Variants in ZNF558 observed in about 807,000 individuals in gnomAD.
ZNF558 encodes the protein zinc finger protein 558.
Under a neutral mutation model 37.6 loss-of-function variants are expected in ZNF558, and 23 were observed. The ratio of observed to expected loss-of-function variants is 0.61; its 90% CI spans 0.44 to 0.87. ZNF558 has a LOEUF of 0.87. Among genes scored for constraint, ZNF558 ranks in the 40% least tolerant of loss-of-function variants. The pLI, the probability that ZNF558 is intolerant of heterozygous loss-of-function variation, is 0.00. For synonymous variants in ZNF558, 189 were observed against 174.4 expected (o/e 1.08, Z -0.66); for missense variants, 429 against 483.7 (o/e 0.89, Z 1.06).
At chr19:8,831,533 G>A (rs963550853) in intron 1 of ZNF558, 132 bp from the exon 2 acceptor site, 5 of 152,188 alleles carry the variant, frequency 3.3e-5, no homozygotes, top group African/African-American at 1.2e-4. Context: ...GTGTAATAAG[G>A]GCCCAGCCTG....
At chr19:8,820,440 T>C (rs2044055035) in intron 7 of ZNF558, among the ~76,000 whole-genome samples, 1 of 152,210 alleles carries the variant, frequency 6.6e-6, no homozygotes, top group Non-Finnish European at 1.5e-5. Context: ...CATTCAGTCA[T>C]AAGGAATGAA....
upstream of ZNF558, chr19:8,832,936 T>C (rs1330018415): frequency 6.7e-6 from 1 of 150,172 alleles, no homozygotes; most frequent in Non-Finnish European, 1.5e-5. Flanking sequence ...GCAGTGGTGA[T>C]TGGCAGAGAG....
At chr19:8,827,768 T>A (rs989011821) in intron 2 of ZNF558, among the ~76,000 whole-genome samples, 8 of 151,998 alleles carry the variant, frequency 5.3e-5, no homozygotes, top group African/African-American at 9.7e-5. Context: ...GAGACGGGGT[T>A]TCACCATGTT....
intron 7 of ZNF558, among the ~76,000 whole-genome samples, chr19:8,815,372 T>C (rs1470652031): frequency 6.6e-6 from 1 of 151,652 alleles, no homozygotes; most frequent in Non-Finnish European, 1.5e-5. Context: ...ATAAAAAAAT[T>C]TGAGTTGAAA....
chr19:8,836,362 T>C (rs1205792151), upstream of ZNF558, among the ~76,000 whole-genome samples: 5 of 151,746 alleles, frequency 3.3e-5, no homozygotes, highest in African/African-American at 1.2e-4. Flanking sequence ...TCCTCCTCCT[T>C]TCTTCCTTCT....
chr19:8,826,242 G>A (rs1183272655), intron 2 of ZNF558, among the ~76,000 whole-genome samples: 4 of 152,120 alleles, frequency 2.6e-5, no homozygotes, highest in East Asian at 1.9e-4. Context: ...CATGGAGCAC[G>A]GGGCGGCAGT....
chr19:8,836,421 TC>T (rs1361794618), upstream of ZNF558, among the ~76,000 whole-genome samples: 1 of 151,546 alleles, frequency 6.6e-6, no homozygotes, highest in African/African-American at 2.4e-5. Context: ...CCTTCTTCTT[TC>T]TTCTTTCCTC....
At chr19:8,823,044 G>A in intron 4 of ZNF558, among the ~76,000 whole-genome samples, 1 of 151,838 alleles carries the variant, frequency 6.6e-6, no homozygotes, top group East Asian at 1.9e-4. Flanking sequence ...CTTCCCCGGG[G>A]ACTCCGGCGC....
Position 8,810,005 on chromosome 19 carries a change from A to G in ZNF558, c.*1276T>C, listed in dbSNP as rs1555767167. On this transcript the variant is annotated 3_prime_UTR_variant, in exon 10 of 10. Transcript: ENST00000601372. ...AAGAATCACTGAAAAATTTTCCAAT[A>G]TTAATATACTCATAGGTTTTGCATC... 1.3e-5 allele frequency: 2 copies of G among 152,194 alleles called. No homozygotes were observed. The highest frequency in any genetic ancestry group is 4.8e-5 in the African/African-American group (2 of 41,444). The allele number at this position is 152,194 out of a possible 1,614,324, so 9.4% of individuals were successfully genotyped here.
intron 7 of ZNF558, among the ~76,000 whole-genome samples, chr19:8,819,131 C>G (rs1042631229): frequency 6.6e-6 from 1 of 152,136 alleles, no homozygotes; most frequent in Non-Finnish European, 1.5e-5. Flanking sequence ...AGGTATCACA[C>G]CAAGAGCACA....
At chr19:8,813,908 T>C (rs1275159482) in intron 7 of ZNF558, among the ~76,000 whole-genome samples, 1 of 152,120 alleles carries the variant, frequency 6.6e-6, no homozygotes, top group African/African-American at 2.4e-5. Flanking sequence ...GACCATATGG[T>C]CCCATTCATC....
chr19:8,821,365 A>T (rs1221575501), intron 6 of ZNF558, 59 bp from the exon 7 acceptor site: 1 of 1,613,920 alleles, frequency 6.2e-7, no homozygotes, highest in African/African-American at 1.3e-5. Flanking sequence ...CGTGCACAGG[A>T]AGAGGGGCCA....
chr19:8,822,341 G>A lies in ZNF558; in HGVS notation c.32-250C>T, dbSNP rs974422098. Among the ~76,000 whole-genome samples, 1 of 152,172 alleles carries A rather than the reference G, an allele frequency of 6.6e-6. No homozygotes were observed. Among genetic ancestry groups the A allele is most frequent in the Non-Finnish European group, 1.5e-5 (1 of 68,032 alleles). ...AAGGGATTATTCCCACTTCACAGAT[G>A]AGGAAACAAGTTCCAAGGGCGTCAC... On this transcript the variant is annotated intron_variant, in intron 5 of 9. Transcript: ENST00000601372. This position sits in a 1 kb window ranked among gnomAD's most constrained non-coding sequence, Gnocchi z 4.4.
rs368404886 is a variant in ZNF558, at chr19:8,811,729, T to A, written c.761A>T (p.His254Leu). Reference protein sequence around the residue: ...VFRTSCNLKSHKRIHTGENHH... With the variant: ...VFRTSCNLKSLKRIHTGENHH... Reference sequence around the variant, plus strand: ...ATTCTCCCCCGTGTGAATCCTCTTGTGGCTTTTGAGGTTACAACTGGTGCG... The same window carrying A: ...ATTCTCCCCCGTGTGAATCCTCTTGAGGCTTTTGAGGTTACAACTGGTGCG... Residue 254 changes from histidine (H) to leucine (L), a missense_variant, in exon 10 of 10, where the codon CAC (histidine) becomes CTC (leucine). Physicochemically the swap from His to Leu is moderately conservative, Grantham distance 99 (BLOSUM62 -3). Transcript: ENST00000601372. 2 of 1,614,202 alleles carry A rather than the reference T, an allele frequency of 1.2e-6. No homozygotes were observed. The highest frequency in any genetic ancestry group is 1.7e-6 in the Non-Finnish European group (2 of 1,180,038).
At chr19:8,832,116 G>A (rs1298191830) in intron 1 of ZNF558, 93 bp downstream of exon 1, 2 of 152,232 alleles carry the variant, frequency 1.3e-5, no homozygotes, top group African/African-American at 4.8e-5. Context: ...ACCGAAACAC[G>A]GCTCCCTGGA....
At chr19:8,830,879 A>G (rs554419391) in intron 2 of ZNF558, 6 of 152,088 alleles carry the variant, frequency 3.9e-5, no homozygotes, top group Non-Finnish European at 7.4e-5. Context: ...TGGCCAACAG[A>G]GTGAGACTTG....
chr19:8,818,259 C>T (rs2043990968), intron 7 of ZNF558, among the ~76,000 whole-genome samples: 1 of 151,968 alleles, frequency 6.6e-6, no homozygotes, highest in Non-Finnish European at 1.5e-5. Context: ...TGAGACCATC[C>T]CGGCCAACAT....
intron 7 of ZNF558, among the ~76,000 whole-genome samples, chr19:8,817,538 T>C: frequency 5.0e-5 from 1 of 20,178 alleles, no homozygotes; most frequent in African/African-American, 1.2e-4. Flanking sequence ...ATTTTTGACT[T>C]TTTTTTTTTT....
chr19:8,811,219 C>G lies in ZNF558; in HGVS notation c.*62G>C, dbSNP rs2043778474. 2 of 1,489,406 alleles carry G rather than the reference C, an allele frequency of 1.3e-6. No homozygotes were observed. The highest frequency in any genetic ancestry group is 4.6e-5 in the East Asian group (2 of 43,876). 92.3% of individuals were successfully genotyped at this position (1,489,406 alleles called of 1,614,324 possible). A position where few individuals can be genotyped will look rare whatever the true frequency, so the allele number is the denominator to read the frequency against. ...AACTTATATATCCAGTGTGAGCTCT[C>G]TCAAACTATCTTAGGGATGAAAGAT... On this transcript the variant is annotated 3_prime_UTR_variant, in exon 10 of 10. Transcript: ENST00000601372.
Sources: allele counts gnomAD v4.1 joint callset (sites outside exome capture counted in the v4.1 genomes callset), GRCh38; gene constraint gnomAD v4.1.1; non-coding constraint Gnocchi (gnomAD v3.1); transcripts MANE v1.5; gene names NCBI Gene and HGNC (gene_info 2026-07-23, HGNC 2026-07-21).